The following ARID4A variants were observed in gnomAD, a reference collection of about 807,000 sequenced individuals.
The protein encoded by ARID4A is AT-rich interaction domain 4A, also known as AT-rich interactive domain-containing protein 4A.
In ARID4A, 39 loss-of-function variants were observed where a neutral mutation model predicts 148.6. The ratio of observed to expected loss-of-function variants is 0.26; its 90% CI spans 0.20 to 0.34. ARID4A has a LOEUF of 0.34. ARID4A is among the 10% of genes least tolerant of loss of function. ARID4A has a pLI of 1.00. For synonymous variants in ARID4A, 475 were observed against 481.2 expected, an observed-to-expected ratio of 0.99 and a Z score of 0.17; for missense variants, 1,265 against 1,449.1, an observed-to-expected ratio of 0.87 and a Z score of 2.06.
At chr14:58,351,703 C>T (rs1172565411) in intron 16 of ARID4A, 1 of 173,790 alleles carries the variant, frequency 5.8e-6, no homozygotes, top group Admixed American at 5.9e-5. Context: ...CTAACAAACA[C>T]ATGGGTGCAC....
Position 58,364,979 on chromosome 14 carries a change from T to C in ARID4A, c.2890T>C (p.Leu964=). ...AACCTTGGTTTGCCATGAAGTAGAT[T>C]TGGATGATTTGGATGAAAAGGATAA... ...PETLVCHEVD[L]DDLDEKDKTS... Residue 964 remains leucine (L), a synonymous_variant, in exon 20 of 24, where the codon TTG becomes CTG. Transcript: ENST00000355431. The C allele has an allele frequency of 6.2e-7, 1 of 1,613,980 alleles. No individual in the cohort carries two copies. The highest frequency in any genetic ancestry group is 1.7e-5 in the Admixed American group (1 of 60,002).
chr14:58,314,933 A>G (rs1285100242), intron 5 of ARID4A, among the ~76,000 whole-genome samples: 3 of 152,144 alleles, frequency 2.0e-5, no homozygotes, highest in African/African-American at 7.2e-5. Context: ...AACCTGGTCA[A>G]CATGGTGAAA....
At chr14:58,323,691 T>A in intron 8 of ARID4A, 74 bp downstream of exon 8, 1 of 1,379,716 alleles carries the variant, frequency 7.2e-7, no homozygotes, top group Non-Finnish European at 1.0e-6. Flanking sequence ...TAAAAGCATT[T>A]AAAATATTTT....
intron 5 of ARID4A, among the ~76,000 whole-genome samples, chr14:58,317,291 T>A (rs1172354822): frequency 7.1e-6 from 1 of 140,338 alleles, no homozygotes. Flanking sequence ...TTCTTTTTTA[T>A]TTTTTTTTTT....
intron 19 of ARID4A, among the ~76,000 whole-genome samples, chr14:58,362,619 G>A (rs781305848): frequency 6.6e-6 from 1 of 151,584 alleles, no homozygotes; most frequent in South Asian, 2.1e-4. Context: ...GTATAGTGGC[G>A]CAATCTCAGC....
intron 7 of ARID4A, among the ~76,000 whole-genome samples, chr14:58,320,170 T>A (rs1427041431): frequency 6.6e-6 from 1 of 151,880 alleles, no homozygotes; most frequent in African/African-American, 2.4e-5. Context: ...ATGATCTCGA[T>A]CTCTTGACCT....
At position 58,372,445 on chromosome 14, in the gene ARID4A, C is replaced by T. The variant is rs185848969; in HGVS notation, c.*456C>T. Reference sequence around the variant, plus strand: ...TTTATGTTGTGTTTTTTTTCATTATCGTTTTTTTTATTTTTGTGGAAGCAC... The same window carrying T: ...TTTATGTTGTGTTTTTTTTCATTATTGTTTTTTTTATTTTTGTGGAAGCAC... On this transcript the variant is annotated 3_prime_UTR_variant, in exon 24 of 24. Coordinates refer to ENST00000355431, the MANE Select transcript of ARID4A (RefSeq NM_002892.4). 75 of 228,458 alleles carry T rather than the reference C, an allele frequency of 3.3e-4. No homozygotes were observed. Among genetic ancestry groups the T allele is most frequent in the Middle Eastern group, 2.7e-3 (2 of 748 alleles). The allele number at this position is 228,458 out of a possible 1,614,324, so 14.2% of individuals were successfully genotyped here.
At chr14:58,305,154 T>C in intron 4 of ARID4A, 145 bp downstream of exon 4, 1 of 612,604 alleles carries the variant, frequency 1.6e-6, no homozygotes, top group Non-Finnish European at 2.7e-6. Context: ...ATAATTAGTA[T>C]AAATTGTGAT....
intron 5 of ARID4A, among the ~76,000 whole-genome samples, chr14:58,317,085 G>T (rs192592387): frequency 0.032 from 4,732 of 148,324 alleles, 119 homozygotes; most frequent in Non-Finnish European, 0.05. Context: ...CCCAGCTACT[G>T]GGGAGGCTGA....
At chr14:58,309,535 T>A (rs542053376) in intron 5 of ARID4A, among the ~76,000 whole-genome samples, 1 of 152,328 alleles carries the variant, frequency 6.6e-6, no homozygotes, top group Non-Finnish European at 1.5e-5. Context: ...TTATGTTTTT[T>A]AAAAAAGGAA....
intron 16 of ARID4A, 69 bp from the exon 17 acceptor site, chr14:58,353,589 G>T: frequency 7.3e-7 from 1 of 1,366,664 alleles, no homozygotes; most frequent in Non-Finnish European, 1.0e-6. Context: ...CTACCTGTTG[G>T]ATTCTTTTAG....
intron 11 of ARID4A, among the ~76,000 whole-genome samples, chr14:58,339,056 C>G (rs939144739): frequency 6.8e-6 from 1 of 147,914 alleles, no homozygotes; most frequent in Non-Finnish European, 1.5e-5. Flanking sequence ...CCTCAACTTT[C>G]CAGGCTCAAG....
Position 58,367,988 on chromosome 14 carries a change from G to T in ARID4A, c.3670+959G>T, listed in dbSNP as rs112466455. ...GCTTTCAGAAGGGATATGGGACGAT[G>T]CTGAAAAATGGGATTGGTTGAAAAT... On this transcript the variant is annotated intron_variant, in intron 23 of 23. Coordinates refer to ENST00000355431, the MANE Select transcript of ARID4A (RefSeq NM_002892.4). 8.0e-3 allele frequency among the ~76,000 whole-genome samples: 1,223 copies of T among 152,262 alleles called. 23 individuals are homozygous for T. Among genetic ancestry groups the T allele is most frequent in the African/African-American group, 0.028 (1,144 of 41,558 alleles).
Position 58,351,405 on chromosome 14 carries a change from G to C in ARID4A, c.1655+82G>C, listed in dbSNP as rs1468602240. On this transcript the variant is annotated intron_variant, in intron 16 of 23. Coordinates refer to ENST00000355431, the MANE Select transcript of ARID4A (RefSeq NM_002892.4). ...TGTTCCTGCTTAGAGATTCAGGTTT[G>C]AGGGAATGTTTTCTTATTGGGACTT... The C allele has an allele frequency of 6.6e-6, 10 of 1,512,674 alleles. No homozygotes were observed. The South Asian group carries it at 6.8e-5, about 10-fold the overall frequency. 93.7% of individuals were successfully genotyped at this position (1,512,674 alleles called of 1,614,324 possible). A position where few individuals can be genotyped will look rare whatever the true frequency, so the allele number is the denominator to read the frequency against.
Position 58,366,971 on chromosome 14 carries a change from G to A in ARID4A, c.3612G>A (p.Lys1204=), listed in dbSNP as rs1039348422. 1.3e-6 allele frequency: 2 copies of A among 1,514,060 alleles called. No individual in the cohort carries two copies. The highest frequency in any genetic ancestry group is 2.5e-5 in the Admixed American group (1 of 39,668). 93.8% of individuals were successfully genotyped at this position (1,514,060 alleles called of 1,614,324 possible). A position where few individuals can be genotyped will look rare whatever the true frequency, so the allele number is the denominator to read the frequency against. ...TCAGAAAATATTATATGTCTTTGAA[G>A]TCTGAAGTTGCAACCATAGACAGGA... ...QEIRKYYMSL[K]SEVATIDRRR... Residue 1204 remains lysine (K), a synonymous_variant, in exon 23 of 24, where the codon AAG becomes AAA. Coordinates refer to ENST00000355431, the MANE Select transcript of ARID4A (RefSeq NM_002892.4).
intron 15 of ARID4A, among the ~76,000 whole-genome samples, chr14:58,348,262 G>C (rs962978296): frequency 7.2e-5 from 11 of 152,016 alleles, no homozygotes; most frequent in Non-Finnish European, 1.0e-4. Context: ...TATTTATTCT[G>C]TTTATTGTGA....
intron 13 of ARID4A, among the ~76,000 whole-genome samples, chr14:58,346,789 A>G (rs750687312): frequency 1.3e-5 from 2 of 151,214 alleles, no homozygotes; most frequent in Admixed American, 6.6e-5. Context: ...TTAGCCAGGC[A>G]TGGTGTCGCA....
At chr14:58,359,775 T>C (rs117581081) in intron 18 of ARID4A, among the ~76,000 whole-genome samples, 4,068 of 152,272 alleles carry the variant, frequency 0.027, 96 homozygotes, top group Middle Eastern at 0.041. Flanking sequence ...CTTATTGTAA[T>C]AATCATCTTG....
chr14:58,319,774 G>A (rs1463674633), intron 7 of ARID4A, among the ~76,000 whole-genome samples: 3 of 150,936 alleles, frequency 2.0e-5, no homozygotes, highest in South Asian at 2.1e-4. Flanking sequence ...AACTCCTGAC[G>A]TCAAGTGATT....
Sources: gnomAD v4.1 joint callset for allele counts (sites outside exome capture counted in the v4.1 genomes callset) on GRCh38, gnomAD v4.1.1 for gene constraint, MANE v1.5 for transcripts, NCBI Gene and HGNC (gene_info 2026-07-23, HGNC 2026-07-21) for gene names.